SSBP3: variants seen among roughly 807,000 people sequenced by gnomAD.
SSBP3 encodes single stranded DNA binding protein 3.
Under a neutral mutation model 69.6 loss-of-function variants are expected in SSBP3, and 5 were observed. The ratio of observed to expected loss-of-function variants is 0.07; its 90% confidence interval spans 0.04 to 0.15. SSBP3 has a LOEUF of 0.15. Ranked by LOEUF, SSBP3 falls within the 10% of genes least tolerant of loss-of-function variation. The pLI is 1.00. For synonymous variants in SSBP3, 196 were observed against 193.4 expected, an observed-to-expected ratio of 1.01 and a Z score of -0.11; for missense variants, 312 against 534.0, an observed-to-expected ratio of 0.58 and a Z score of 4.10.
intron 4 of SSBP3, among the ~76,000 whole-genome samples, chr1:54,350,561 T>G (rs1646765976): frequency 6.6e-6 from 1 of 152,198 alleles, no homozygotes; most frequent in Non-Finnish European, 1.5e-5. Flanking sequence ...TTCTAAGACA[T>G]GTGCACAACC....
chr1:54,298,407 C>G (rs1645740281), intron 4 of SSBP3, among the ~76,000 whole-genome samples: 1 of 152,100 alleles, frequency 6.6e-6, no homozygotes, highest in African/African-American at 2.4e-5. Flanking sequence ...GGTACCAGAC[C>G]TGCCTACTCC....
At chr1:54,315,655 G>T (rs1405835059) in intron 4 of SSBP3, among the ~76,000 whole-genome samples, 1 of 149,992 alleles carries the variant, frequency 6.7e-6, no homozygotes, top group Non-Finnish European at 1.5e-5. Flanking sequence ...ACAGTAGTGT[G>T]ATCTCTGTCT....
chr1:54,298,930 A>AACACACACACACACACACAC (rs10525954), intron 4 of SSBP3, among the ~76,000 whole-genome samples: 18,327 of 136,940 alleles, frequency 0.13, 1,565 homozygotes, highest in Non-Finnish European at 0.16. Flanking sequence ...ACAAAAACAA[A>AACACACACACACACACACAC]ACACACACAC....
intron 14 of SSBP3, among the ~76,000 whole-genome samples, chr1:54,231,146 T>C (rs996560737): frequency 1.3e-5 from 2 of 152,202 alleles, no homozygotes; most frequent in Non-Finnish European, 2.9e-5. Context: ...GCTGTGCCAT[T>C]TTACATTCCC....
At chr1:54,244,391 C>T (rs910913105) in intron 9 of SSBP3, among the ~76,000 whole-genome samples, 14 of 152,056 alleles carry the variant, frequency 9.2e-5, no homozygotes, top group African/African-American at 2.7e-4. Flanking sequence ...TGTGAGCCAC[C>T]GCACCCAGCC....
chr1:54,261,276 C>T (rs942459153), intron 5 of SSBP3, among the ~76,000 whole-genome samples: 2 of 152,242 alleles, frequency 1.3e-5, no homozygotes, highest in Non-Finnish European at 2.9e-5. Flanking sequence ...GGCTCTGCTG[C>T]CCTGTGTTTT....
chr1:54,242,232 A>C lies in SSBP3; in HGVS notation c.717-20T>G, dbSNP rs1644652306. 1.2e-6 allele frequency: 2 copies of C among 1,613,640 alleles called. No individual in the cohort carries two copies. The highest frequency in any genetic ancestry group is 1.7e-6 in the Non-Finnish European group (2 of 1,179,874). On this transcript the variant is annotated intron_variant, in intron 10 of 17. Transcript: ENST00000610401. Reference sequence around the variant, plus strand: ...GGGCCCCTGAGAGAGGGAGAAAGAGATGTGGACAATGAAAAAGGCGCTGTA... The same window carrying C: ...GGGCCCCTGAGAGAGGGAGAAAGAGCTGTGGACAATGAAAAAGGCGCTGTA...
In SSBP3 at chr1:54,258,073, C is replaced by T. The variant is rs762714000; in HGVS notation, c.443G>A (p.Ser148Asn). The T allele has an allele frequency of 6.3e-7, 1 of 1,591,124 alleles. No homozygotes were observed. The highest frequency in any genetic ancestry group is 8.5e-7 in the Non-Finnish European group (1 of 1,170,522). ...GGAGCGCCACGGTGCGTTTACCTGA[C>T]TGTGGGGTCCCATCATGCTGCTAGG... Residue 148 changes from serine to asparagine, a missense_variant, in exon 6 of 18, where the codon AGT becomes AAT. Physicochemically the swap from Ser to Asn is conservative, Grantham distance 46. Transcript: ENST00000610401. The surrounding 1 kb of genome is among the most constrained non-coding windows in gnomAD (Gnocchi z 4.5).
chr1:54,338,628 T>A (rs963725965), intron 4 of SSBP3, among the ~76,000 whole-genome samples: 4 of 152,192 alleles, frequency 2.6e-5, no homozygotes, highest in South Asian at 2.1e-4. Context: ...CAAGTTTCCA[T>A]ACATACCCAG....
intron 4 of SSBP3, among the ~76,000 whole-genome samples, chr1:54,323,029 G>T (rs1646241689): frequency 6.6e-6 from 1 of 152,218 alleles, no homozygotes; most frequent in Admixed American, 6.5e-5. Context: ...CTCAGGAGGA[G>T]ACTCCAAACT....
At chr1:54,387,156 A>C (rs1242212652) in intron 4 of SSBP3, among the ~76,000 whole-genome samples, 2 of 152,204 alleles carry the variant, frequency 1.3e-5, no homozygotes, top group African/African-American at 4.8e-5. Context: ...AGTGTCCCAA[A>C]GCGCCCACTG....
intron 4 of SSBP3, among the ~76,000 whole-genome samples, chr1:54,318,454 A>G (rs1646153982): frequency 2.0e-5 from 3 of 151,862 alleles, no homozygotes; most frequent in African/African-American, 7.3e-5. Flanking sequence ...TTTTCTTCTT[A>G]AATCCCCTTA....
chr1:54,385,251 C>T (rs1339486115), intron 4 of SSBP3, among the ~76,000 whole-genome samples: 1 of 152,156 alleles, frequency 6.6e-6, no homozygotes, highest in African/African-American at 2.4e-5. Context: ...TTCTCAAGGA[C>T]ATGGCTTGTG....
intron 4 of SSBP3, among the ~76,000 whole-genome samples, chr1:54,355,639 C>T (rs1009677947): frequency 2.0e-5 from 3 of 152,082 alleles, no homozygotes; most frequent in Non-Finnish European, 4.4e-5. Flanking sequence ...GTTGAGCCAC[C>T]GCGTCCAGCC....
In SSBP3 at chr1:54,342,387, G is replaced by T. The variant is rs189309129; in HGVS notation, c.276+59474C>A. Among the ~76,000 whole-genome samples, 582 of 152,364 alleles carry T rather than the reference G, an allele frequency of 3.8e-3. 7 individuals are homozygous for T. Among genetic ancestry groups the T allele is most frequent in the African/African-American group, 0.013 (540 of 41,578 alleles). On this transcript the variant is annotated intron_variant, in intron 4 of 17. Coordinates refer to ENST00000610401, the Ensembl canonical transcript of SSBP3. ...ATGTGTGGCCCTCCCTCCCTGGGAG[G>T]AGATGGGTGGATCAATAGCCCTCTT...
chr1:54,253,248 G>A (rs1644864411), intron 7 of SSBP3, among the ~76,000 whole-genome samples: 1 of 144,922 alleles, frequency 6.9e-6, no homozygotes, highest in Non-Finnish European at 1.5e-5. Flanking sequence ...TTGGAATGCA[G>A]TAGTGTGATC....
chr1:54,268,831 A>C (rs1645145608), intron 5 of SSBP3, among the ~76,000 whole-genome samples: 1 of 152,216 alleles, frequency 6.6e-6, no homozygotes, highest in Non-Finnish European at 1.5e-5. Context: ...GGGCAGGTGC[A>C]ACAATACCTG....
intron 4 of SSBP3, among the ~76,000 whole-genome samples, chr1:54,346,569 CTT>C (rs1431432994): frequency 6.6e-6 from 1 of 152,130 alleles, no homozygotes; most frequent in Admixed American, 6.5e-5. Flanking sequence ...AATCCCAACA[CTT>C]TGGGAGGCCA....
At chr1:54,226,653 TTTTTTCC>T (rs1355607904) in exon 18 of SSBP3, 3 of 162,724 alleles carry the variant, frequency 1.8e-5, no homozygotes, top group Non-Finnish European at 2.6e-5. Context: ...TTCCTTTTTT[TTTTTTCC>T]TTTTTCCTTT....
Sources: allele counts gnomAD v4.1 joint callset (sites outside exome capture counted in the v4.1 genomes callset), GRCh38; gene constraint gnomAD v4.1.1; non-coding constraint Gnocchi (gnomAD v3.1); transcripts MANE v1.5; gene names NCBI Gene and HGNC (gene_info 2026-07-23, HGNC 2026-07-21).